Variants in ACCSL observed in about 807,000 individuals in gnomAD.
ACCSL encodes the protein probable inactive 1-aminocyclopropane-1-carboxylate synthase-like protein 2.
ACCSL carries 55 observed loss-of-function variants against 61.7 expected under a neutral mutation model. The ratio of observed to expected loss-of-function variants is 0.89; its 90% CI spans 0.72 to 1.12. The LOEUF is 1.12. Among genes scored for constraint, ACCSL ranks in the 50% most tolerant of loss-of-function variants. The probability of loss-of-function intolerance (pLI) is 0.00; values close to 1 mark genes in which losing one functional copy is unlikely to be tolerated. For synonymous variants in ACCSL, 258 were observed against 264.3 expected, an observed-to-expected ratio of 0.98 and a Z score of 0.23; for missense variants, 632 against 698.0, an observed-to-expected ratio of 0.91 and a Z score of 1.07.
At chr11:44,052,814 G>A (rs1277763313) in intron 6 of ACCSL, 55 bp downstream of exon 6, 7 of 1,562,430 alleles carry the variant, frequency 4.5e-6, no homozygotes, top group Non-Finnish European at 5.3e-6. Context: ...ACTGTTCTGG[G>A]GACACCTAAA....
At chr11:43,971,429 T>C in the ACCSL span, 1 of 152,224 alleles carries the variant, frequency 6.6e-6, no homozygotes, top group African/African-American at 2.4e-5. Context: ...TAATACTATT[T>C]CCTTATTTCA....
chr11:43,942,345 G>A, the ACCSL span: 1 of 208,114 alleles, frequency 4.8e-6, no homozygotes, highest in Non-Finnish European at 1.0e-5. Context: ...GACAGTGCCC[G>A]CCCAGTCGCG....
chr11:44,035,276 C>G, the ACCSL span, among the ~76,000 whole-genome samples: 1 of 152,052 alleles, frequency 6.6e-6, no homozygotes, highest in Admixed American at 6.6e-5. Context: ...GTGTCTGTCT[C>G]GTTGCCGTCT....
the ACCSL span, among the ~76,000 whole-genome samples, chr11:43,927,223 T>C: frequency 2.0e-5 from 3 of 152,272 alleles, no homozygotes; most frequent in Admixed American, 2.0e-4. Flanking sequence ...CATAGTGTTA[T>C]ATACAGTTGT....
chr11:43,942,030 TCGTG>T, the ACCSL span, among the ~76,000 whole-genome samples: 20,858 of 82,122 alleles, frequency 0.25, 1,768 homozygotes, highest in East Asian at 0.43. Context: ...GTGTTTGCAT[TCGTG>T]CGTGTGTGTG....
At chr11:44,004,581 C>T in the ACCSL span, among the ~76,000 whole-genome samples, 4 of 152,282 alleles carry the variant, frequency 2.6e-5, no homozygotes, top group Admixed American at 2.6e-4. Context: ...CTCAGCCCAG[C>T]CCCAGCCGCA....
At chr11:43,978,544 G>A in the ACCSL span, among the ~76,000 whole-genome samples, 6 of 152,198 alleles carry the variant, frequency 3.9e-5, no homozygotes, top group Non-Finnish European at 7.4e-5. Flanking sequence ...GGCCCAGAAC[G>A]CTCCCTCCCT....
the ACCSL span, among the ~76,000 whole-genome samples, chr11:43,952,598 C>T: frequency 1.3e-5 from 2 of 152,152 alleles, no homozygotes; most frequent in South Asian, 2.1e-4. Flanking sequence ...CATGCAGCCC[C>T]CAGTCACATA....
chr11:43,959,603 G>T, the ACCSL span, among the ~76,000 whole-genome samples: 1 of 151,880 alleles, frequency 6.6e-6, no homozygotes, highest in Non-Finnish European at 1.5e-5. Flanking sequence ...CTGGGCGGTG[G>T]CAGACCCTAG....
the ACCSL span, among the ~76,000 whole-genome samples, chr11:44,004,897 T>C: frequency 6.6e-6 from 1 of 152,138 alleles, no homozygotes; most frequent in African/African-American, 2.4e-5. Context: ...AGGAGTTCTT[T>C]CCCATCGAGG....
chr11:44,052,835 G>GCAA, intron 6 of ACCSL, 76 bp downstream of exon 6: 1 of 1,519,454 alleles, frequency 6.6e-7, no homozygotes, highest in Non-Finnish European at 9.1e-7. Context: ...GGGGTAGAGG[G>GCAA]GCTTGCTTTC....
the ACCSL span, among the ~76,000 whole-genome samples, chr11:43,958,554 C>T: frequency 6.6e-6 from 1 of 152,224 alleles, no homozygotes; most frequent in Non-Finnish European, 1.5e-5. Flanking sequence ...TACTCTTTCT[C>T]TATTGCAATT....
the ACCSL span, among the ~76,000 whole-genome samples, chr11:43,967,080 TCTC>T: frequency 6.6e-6 from 1 of 151,844 alleles, no homozygotes; most frequent in Non-Finnish European, 1.5e-5. Context: ...AGTGCTAAGT[TCTC>T]CTTCCAAATG....
At chr11:44,005,637 G>A in the ACCSL span, among the ~76,000 whole-genome samples, 2 of 152,114 alleles carry the variant, frequency 1.3e-5, no homozygotes, top group African/African-American at 4.8e-5. Flanking sequence ...AGGTCTCACA[G>A]GAACACCAAC....
the ACCSL span, among the ~76,000 whole-genome samples, chr11:43,987,881 C>G: frequency 2.0e-5 from 3 of 152,178 alleles, no homozygotes; most frequent in Non-Finnish European, 4.4e-5. Context: ...GTTTGGCAGG[C>G]AGAGAAGATT....
At chr11:44,037,482 C>A in the ACCSL span, among the ~76,000 whole-genome samples, 1 of 152,244 alleles carries the variant, frequency 6.6e-6, no homozygotes, top group African/African-American at 2.4e-5. Flanking sequence ...TCCTCTCACC[C>A]GCTGCTTCTC....
the ACCSL span, chr11:43,974,056 C>T: frequency 7.9e-5 from 12 of 152,194 alleles, no homozygotes; most frequent in African/African-American, 2.9e-4. Flanking sequence ...GTGCTCCCAG[C>T]ACTGAGAACA....
Position 44,051,324 on chromosome 11 carries a change from T to C in ACCSL, c.636-11T>C. The C allele has an allele frequency of 6.2e-7, 1 of 1,614,156 alleles. No homozygotes were observed. Among genetic ancestry groups the C allele is most frequent in the African/African-American group, 1.3e-5 (1 of 75,050 alleles). Reference sequence around the variant, plus strand: ...CCGGAAGCCACAAGGTCTCTCTGGGTCTGTTTACAGCCTGCGGGAAGAAGT... The same window carrying C: ...CCGGAAGCCACAAGGTCTCTCTGGGCCTGTTTACAGCCTGCGGGAAGAAGT... On this transcript the variant is annotated splice_polypyrimidine_tract_variant and intron_variant, in intron 3 of 13. Coordinates refer to ENST00000378832, the MANE Select transcript of ACCSL (RefSeq NM_001031854.2).
the ACCSL span, among the ~76,000 whole-genome samples, chr11:43,977,238 G>C: frequency 6.6e-6 from 1 of 152,206 alleles, no homozygotes; most frequent in African/African-American, 2.4e-5. Flanking sequence ...CCTGGAACCT[G>C]TGAATAATAT....
Sources: gnomAD v4.1 joint callset for allele counts (sites outside exome capture counted in the v4.1 genomes callset) on GRCh38, gnomAD v4.1.1 for gene constraint, MANE v1.5 for transcripts, NCBI Gene and HGNC (gene_info 2026-07-23, HGNC 2026-07-21) for gene names.